CUL4A: variants seen among roughly 807,000 people sequenced by gnomAD.
CUL4A encodes the protein cullin 4A.
A neutral mutation model predicts 95.5 loss-of-function variants in CUL4A; 16 were observed. The ratio of observed to expected loss-of-function variants is 0.17; its 90% CI spans 0.11 to 0.25. The LOEUF is 0.25. Ranked by LOEUF, CUL4A falls within the 10% of genes least tolerant of loss-of-function variation. The probability of loss-of-function intolerance (pLI) is 1.00; values close to 1 mark genes in which losing one functional copy is unlikely to be tolerated. For synonymous variants in CUL4A, 380 were observed against 353.1 expected, an observed-to-expected ratio of 1.08 and a Z score of -0.85; for missense variants, 610 against 937.0, an observed-to-expected ratio of 0.65 and a Z score of 4.56.
intron 18 of CUL4A, among the ~76,000 whole-genome samples, chr13:113,258,776 C>T (rs1253641294): frequency 6.6e-6 from 1 of 152,196 alleles, no homozygotes; most frequent in African/African-American, 2.4e-5. Context: ...TAATTAAATA[C>T]TGTCGTCAGC....
intron 4 of CUL4A, among the ~76,000 whole-genome samples, chr13:113,229,239 A>G (rs530162738): frequency 6.6e-6 from 1 of 152,336 alleles, no homozygotes; most frequent in Non-Finnish European, 1.5e-5. Context: ...TAAAATTCCT[A>G]CAGTCAGATT....
At chr13:113,224,620 G>A (rs1445748700) in intron 3 of CUL4A, among the ~76,000 whole-genome samples, 1 of 152,256 alleles carries the variant, frequency 6.6e-6, no homozygotes, top group Non-Finnish European at 1.5e-5. Context: ...GGCGACAGCA[G>A]GCTTTGTCTT....
At chr13:113,222,505 G>A (rs922460559) in intron 3 of CUL4A, among the ~76,000 whole-genome samples, 1 of 151,926 alleles carries the variant, frequency 6.6e-6, no homozygotes, top group African/African-American at 2.4e-5. Context: ...GATTGAGGCG[G>A]GGAGGGTCTG....
chr13:113,208,707 G>C (rs1566999799), upstream of CUL4A: 3 of 1,521,110 alleles, frequency 2.0e-6, no homozygotes, highest in Admixed American at 2.0e-5. Context: ...TCCGGCCCTC[G>C]GTCCGTCTGG....
In CUL4A at chr13:113,255,032, G is replaced by C. The variant is rs1159984201; in HGVS notation, c.1938G>C (p.Lys646Asn). ...TGCTGATTAAAAGTCCCAAAGGAAA[G>C]GAAGTGGAAGATGGAGACAAGTTCA... ...ARVLIKSPKG[K>N]EVEDGDKFIF... Residue 646 changes from lysine (K) to asparagine (N), a missense_variant, in exon 18 of 20, where the codon AAG becomes AAC. By Grantham distance (94) the Lys-to-Asn change is moderately conservative (BLOSUM62 0). Around this residue, in one of 10 missense-constraint regions of CUL4A, gnomAD observed 72 missense variants for 93.2 expected, o/e 0.77. Coordinates refer to ENST00000375440, the MANE Select transcript of CUL4A (RefSeq NM_001008895.4). 6.2e-7 allele frequency: 1 copy of C among 1,614,058 alleles called. No individual in the cohort carries two copies. Among genetic ancestry groups the C allele is most frequent in the Non-Finnish European group, 8.5e-7 (1 of 1,180,014 alleles).
At chr13:113,208,314 G>C, upstream of CUL4A, 15 of 1,432,748 alleles carry the variant, frequency 1.0e-5, no homozygotes, top group Non-Finnish European at 1.3e-5. Context: ...GTGCCAGCAA[G>C]TGAGGGCAGC....
intron 12 of CUL4A, 151 bp from the exon 13 acceptor site, chr13:113,244,798 C>G: frequency 8.0e-6 from 5 of 627,102 alleles, no homozygotes; most frequent in Non-Finnish European, 1.4e-5. Context: ...CGAGATCGCG[C>G]CACTGCACTC....
upstream of CUL4A, chr13:113,209,090 C>G (rs1026679220): frequency 5.9e-6 from 1 of 169,986 alleles, no homozygotes; most frequent in African/African-American, 2.5e-5. Flanking sequence ...TCATAAGGTG[C>G]CTCCGCCGCG....
At chr13:113,251,309 T>C (rs1010726578) in intron 15 of CUL4A, among the ~76,000 whole-genome samples, 14 of 152,118 alleles carry the variant, frequency 9.2e-5, no homozygotes, top group Admixed American at 9.2e-4. Context: ...GGGATGAGAA[T>C]GTATGAAAGA....
intron 10 of CUL4A, among the ~76,000 whole-genome samples, chr13:113,241,524 T>C (rs2041709711): frequency 6.7e-6 from 1 of 149,262 alleles, no homozygotes. Flanking sequence ...TTTTTTTTTT[T>C]TTTTTTTTGA....
chr13:113,253,798 C>A (rs1378289837), intron 16 of CUL4A, among the ~76,000 whole-genome samples: 2 of 152,098 alleles, frequency 1.3e-5, no homozygotes, highest in Non-Finnish European at 2.9e-5. Flanking sequence ...GGGGAGAATG[C>A]ATACAATGCA....
intron 6 of CUL4A, 79 bp downstream of exon 6, chr13:113,233,418 T>C: frequency 7.4e-7 from 1 of 1,346,230 alleles, no homozygotes; most frequent in East Asian, 2.3e-5. Flanking sequence ...ACCAAAGATG[T>C]TAAACAATGA....
rs774050022 is a variant in CUL4A, at chr13:113,234,003, T to C, written c.765+17T>C. 1.3e-6 allele frequency: 2 copies of C among 1,536,938 alleles called. No individual in the cohort carries two copies. The highest frequency in any genetic ancestry group is 2.3e-5 in the East Asian group (1 of 44,080). Reference sequence around the variant, plus strand: ...GAAAGAGAGGTGAGATGATGGGATGTTTCCGAATCCCCTGGCTTCGTTTCT... The same window carrying C: ...GAAAGAGAGGTGAGATGATGGGATGCTTCCGAATCCCCTGGCTTCGTTTCT... On this transcript the variant is annotated intron_variant, in intron 7 of 19. Transcript: ENST00000375440.
chr13:113,211,742 A>T (rs536165462), intron 2 of CUL4A, among the ~76,000 whole-genome samples: 130 of 152,286 alleles, frequency 8.5e-4, no homozygotes, highest in African/African-American at 3.1e-3. Context: ...TTGTTTGGAC[A>T]TATATTCTTA....
chr13:113,236,593 C>A (rs541745746), intron 8 of CUL4A, among the ~76,000 whole-genome samples: 1 of 152,308 alleles, frequency 6.6e-6, no homozygotes, highest in South Asian at 2.1e-4. Flanking sequence ...TCCCTGGGCC[C>A]GCCCGTGGGC....
At chr13:113,239,307 C>A in intron 9 of CUL4A, 126 bp from the exon 10 acceptor site, 1 of 785,574 alleles carries the variant, frequency 1.3e-6, no homozygotes, top group East Asian at 2.5e-5. Context: ...GTAGAGGCAG[C>A]GATGTGGAGA....
Position 113,210,091 on chromosome 13 carries a change from G to A in CUL4A, c.264+3G>A, listed in dbSNP as rs539344380. On this transcript the variant is annotated splice_donor_region_variant and intron_variant, in intron 2 of 19. Transcript: ENST00000375440. ...ACAACCTCGAGGAGCTCTACCAGGT[G>A]AGGCGGCGGCCGGGGCTGGGGACGC... is the stretch of plus-strand genomic sequence containing the variant. The A allele has an allele frequency of 3.3e-6, 5 of 1,496,342 alleles. No homozygotes were observed. The South Asian group carries it at 6.3e-5, about 19-fold the overall frequency. 92.7% of individuals were successfully genotyped at this position (1,496,342 alleles called of 1,614,324 possible).
At chr13:113,208,921 GC>G, upstream of CUL4A, 1 of 1,342,932 alleles carries the variant, frequency 7.4e-7, no homozygotes, top group Non-Finnish European at 9.5e-7. Context: ...GGCGAGGACA[GC>G]CCCACGGCTA....
chr13:113,233,977 G>A lies in CUL4A; in HGVS notation c.756G>A (p.Gln252=), dbSNP rs777156549. The A allele has an allele frequency of 6.2e-7, 1 of 1,605,664 alleles. No individual in the cohort carries two copies. Among genetic ancestry groups the A allele is most frequent in the South Asian group, 1.1e-5 (1 of 90,436 alleles). The change falls in exon 7 of 20, where the codon CAG becomes CAA. Residue 252 remains glutamine, a synonymous_variant. Transcript: ENST00000375440. ...LYAAEGQRLM[Q]EREVPEYLNH... The stretch of plus-strand genomic sequence containing the variant: ...CTGCCGAAGGCCAAAGGTTAATGCA[G>A]GAAAGAGAGGTGAGATGATGGGATG...
Sources: gnomAD v4.1 joint callset for allele counts (sites outside exome capture counted in the v4.1 genomes callset) on GRCh38, gnomAD v4.1.1 for gene constraint, gnomAD v4.1.1 regional missense constraint, MANE v1.5 for transcripts, NCBI Gene and HGNC (gene_info 2026-07-23, HGNC 2026-07-21) for gene names.